Variants in LPP observed in about 807,000 individuals in gnomAD.
LPP encodes the protein lipoma-preferred partner.
In LPP, 38 loss-of-function variants were observed where a neutral mutation model predicts 60.4. That is an observed-to-expected ratio of 0.63 (90% confidence interval 0.49 to 0.83). The LOEUF is 0.83. LPP is among the 40% of genes least tolerant of loss of function. LPP has a pLI of 0.00. For missense variants in LPP, 902 were observed against 783.6 expected, an observed-to-expected ratio of 1.15 and a Z score of -1.80; for synonymous variants, 328 against 290.8, an observed-to-expected ratio of 1.13 and a Z score of -1.30.
At chr3:188,312,328 C>T (rs937260392) in intron 2 of LPP, among the ~76,000 whole-genome samples, 5 of 152,198 alleles carry the variant, frequency 3.3e-5, no homozygotes, top group African/African-American at 1.2e-4. Flanking sequence ...CCTTCACTTC[C>T]TTTTCCATTG....
At chr3:188,266,746 A>C (rs534916586) in intron 2 of LPP, among the ~76,000 whole-genome samples, 3 of 152,272 alleles carry the variant, frequency 2.0e-5, no homozygotes, top group Non-Finnish European at 4.4e-5. Context: ...AGTTATTGCC[A>C]TGCGGGTGGC....
intron 6 of LPP, among the ~76,000 whole-genome samples, chr3:188,536,884 T>G (rs766382450): frequency 3.9e-5 from 6 of 152,186 alleles, no homozygotes; most frequent in Non-Finnish European, 8.8e-5. Flanking sequence ...AAATGTTACT[T>G]CTTAGATACT....
At chr3:188,601,222 T>C (rs1841104364) in intron 6 of LPP, among the ~76,000 whole-genome samples, 1 of 152,164 alleles carries the variant, frequency 6.6e-6, no homozygotes, top group African/African-American at 2.4e-5. Flanking sequence ...TATACTGTAA[T>C]GTATATAAAC....
At chr3:188,185,950 C>T (rs189863981) in intron 1 of LPP, among the ~76,000 whole-genome samples, 1 of 152,312 alleles carries the variant, frequency 6.6e-6, no homozygotes, top group Admixed American at 6.5e-5. Flanking sequence ...AGCGATCAGG[C>T]TGACAACTGG....
At chr3:188,233,989 C>G (rs749649274) in intron 2 of LPP, among the ~76,000 whole-genome samples, 2 of 152,080 alleles carry the variant, frequency 1.3e-5, no homozygotes, top group Non-Finnish European at 2.9e-5. Flanking sequence ...CCTAACTTTT[C>G]TTCTGCTAAA....
rs948195896 is a variant in LPP, at chr3:188,877,223, C to T, written c.*2744C>T. The stretch of plus-strand genomic sequence containing the variant: ...TTTTAGTTGCATGAAATTTTGCCTG[C>T]AACAGAGAGAAAAAGATTGTATTAC... On this transcript the variant is annotated 3_prime_UTR_variant, in exon 12 of 12. Coordinates refer to ENST00000617246, the MANE Select transcript of LPP (RefSeq NM_001375462.1). 2.3e-5 allele frequency: 4 copies of T among 175,826 alleles called. No individual in the cohort carries two copies. Among genetic ancestry groups the T allele is most frequent in the Non-Finnish European group, 4.9e-5 (4 of 81,784 alleles). 10.9% of individuals were successfully genotyped at this position (175,826 alleles called of 1,614,324 possible).
chr3:188,837,205 C>A (rs774578578), intron 9 of LPP, among the ~76,000 whole-genome samples: 9 of 151,676 alleles, frequency 5.9e-5, no homozygotes, highest in Non-Finnish European at 1.2e-4. Context: ...TATGGTGAAA[C>A]CTGTCTCTAC....
chr3:188,594,210 C>T (rs1449433234), intron 6 of LPP, among the ~76,000 whole-genome samples: 1 of 152,136 alleles, frequency 6.6e-6, no homozygotes, highest in Non-Finnish European at 1.5e-5. Flanking sequence ...TAGGAGAAGA[C>T]GTTTGAATTC....
At chr3:188,203,492 AAT>A (rs1163146515) in intron 1 of LPP, among the ~76,000 whole-genome samples, 9 of 76,852 alleles carry the variant, frequency 1.2e-4, no homozygotes, top group African/African-American at 4.6e-4. Context: ...TATATTTTTA[AAT>A]ATATATAAAT....
At chr3:188,348,775 C>T (rs1237374625) in intron 3 of LPP, among the ~76,000 whole-genome samples, 2 of 152,174 alleles carry the variant, frequency 1.3e-5, no homozygotes, top group African/African-American at 4.8e-5. Context: ...GAGAAACATT[C>T]ACTTCGGCCC....
intron 5 of LPP, among the ~76,000 whole-genome samples, chr3:188,511,801 G>A (rs1409471434): frequency 6.6e-6 from 1 of 152,140 alleles, no homozygotes. Flanking sequence ...GCACTTCTCT[G>A]TGATAATGGC....
intron 9 of LPP, among the ~76,000 whole-genome samples, chr3:188,857,039 C>A (rs533675498): frequency 2.0e-5 from 3 of 152,212 alleles, no homozygotes; most frequent in Admixed American, 2.0e-4. Flanking sequence ...AAAAAGGGAC[C>A]TAGTGTGGGG....
At chr3:188,276,694 T>TC (rs1739901630) in intron 2 of LPP, among the ~76,000 whole-genome samples, 121 of 15,576 alleles carry the variant, frequency 7.8e-3, no homozygotes, top group African/African-American at 0.069. Flanking sequence ...TCTCTCTCTC[T>TC]TTCTCTCTCT....
chr3:188,268,982 T>C (rs187211646), intron 2 of LPP, among the ~76,000 whole-genome samples: 423 of 152,342 alleles, frequency 2.8e-3, no homozygotes, highest in Non-Finnish European at 4.7e-3. Context: ...AAGGTTATAC[T>C]TCACAGAATT....
chr3:188,411,973 GTCTCTCTC>G (rs56025983), intron 4 of LPP, among the ~76,000 whole-genome samples: 90 of 149,836 alleles, frequency 6.0e-4, no homozygotes, highest in African/African-American at 1.9e-3. Flanking sequence ...CTCTTTCTCT[GTCTCTCTC>G]TCTCTCTCTC....
chr3:188,527,395 C>T (rs528478212), intron 6 of LPP, among the ~76,000 whole-genome samples: 1 of 149,516 alleles, frequency 6.7e-6, no homozygotes, highest in African/African-American at 2.5e-5. Context: ...CTGGTAGTTT[C>T]CTACAGACAG....
In LPP at chr3:188,719,970, T is replaced by C. The variant is rs1014349680; in HGVS notation, c.1240+11577T>C. Among the ~76,000 whole-genome samples, 3 of 152,210 alleles carry C rather than the reference T, an allele frequency of 2.0e-5. No individual in the cohort carries two copies. In the South Asian group the frequency reaches 6.2e-4, roughly 32 times the overall value. ...CTCCGTCGCCCAGGTTGGAATGCAG[T>C]GGCGTGATCTTGGCTCACTGCAACC... On this transcript the variant is annotated intron_variant, in intron 8 of 11. Coordinates refer to ENST00000617246, the MANE Select transcript of LPP (RefSeq NM_001375462.1).
chr3:188,626,443 C>T (rs1262804897), intron 7 of LPP, among the ~76,000 whole-genome samples: 1 of 152,144 alleles, frequency 6.6e-6, no homozygotes, highest in African/African-American at 2.4e-5. Context: ...AGTCCTAGAA[C>T]TGATCCCCTG....
chr3:188,203,509 A>ATT (rs1277363225), intron 1 of LPP, among the ~76,000 whole-genome samples: 10 of 67,470 alleles, frequency 1.5e-4, no homozygotes, highest in African/African-American at 5.3e-4. Flanking sequence ...ATAAATATAT[A>ATT]TATTTAAATA....
Sources: gnomAD v4.1 joint callset for allele counts (sites outside exome capture counted in the v4.1 genomes callset) on GRCh38, gnomAD v4.1.1 for gene constraint, MANE v1.5 for transcripts, NCBI Gene and HGNC (gene_info 2026-07-23, HGNC 2026-07-21) for gene names.